Variants in SMARCAD1 observed in about 807,000 individuals in gnomAD.
SMARCAD1 encodes SWI/SNF-related matrix-associated actin-dependent regulator of chromatin subfamily A containing DEAD/H box 1.
Under a neutral mutation model 127.1 loss-of-function variants are expected in SMARCAD1, and 25 were observed. That is an observed-to-expected ratio of 0.20 (90% CI 0.14 to 0.27). The LOEUF (loss-of-function observed/expected upper bound fraction) is 0.27, where lower values mean the gene tolerates loss of function less well. SMARCAD1 is among the 10% of genes least tolerant of loss of function. The probability of loss-of-function intolerance (pLI) is 1.00; values close to 1 mark genes in which losing one functional copy is unlikely to be tolerated. For missense variants in SMARCAD1, 807 were observed against 1,206.0 expected (o/e 0.67, Z 4.90); for synonymous variants, 400 against 396.9 (o/e 1.01, Z -0.09).
chr4:94,209,124 T>C (rs1405995217), intron 2 of SMARCAD1, among the ~76,000 whole-genome samples: 1 of 152,324 alleles, frequency 6.6e-6, no homozygotes, highest in East Asian at 1.9e-4. Flanking sequence ...ATTTTTAACC[T>C]CATCAGCAGA....
At chr4:94,274,620 A>T in intron 12 of SMARCAD1, 118 bp from the exon 13 acceptor site, 1 of 1,006,236 alleles carries the variant, frequency 9.9e-7, no homozygotes, top group Non-Finnish European at 1.6e-6. Flanking sequence ...CTGGGCCAGT[A>T]TTTACTTTTT....
intron 2 of SMARCAD1, among the ~76,000 whole-genome samples, chr4:94,223,734 A>AT (rs944591007): frequency 0.013 from 1,328 of 100,150 alleles, 27 homozygotes; most frequent in African/African-American, 0.039. Context: ...CTCCCGGCTA[A>AT]TTTTTTTTTT....
chr4:94,287,826 T>C (rs772726278), intron 23 of SMARCAD1, among the ~76,000 whole-genome samples: 2 of 152,040 alleles, frequency 1.3e-5, no homozygotes, highest in African/African-American at 2.4e-5. Flanking sequence ...TACATACTTT[T>C]TGAATTTTTT....
At chr4:94,250,892 A>G in intron 8 of SMARCAD1, 59 bp downstream of exon 8, 1 of 1,340,660 alleles carries the variant, frequency 7.5e-7, no homozygotes, top group Non-Finnish European at 1.1e-6. Context: ...ATTTTAGTAT[A>G]TAAGAAAATG....
intron 2 of SMARCAD1, among the ~76,000 whole-genome samples, chr4:94,209,835 G>C (rs1741911181): frequency 6.6e-6 from 1 of 152,152 alleles, no homozygotes; most frequent in Non-Finnish European, 1.5e-5. Context: ...TTGACATCCA[G>C]GTATTTTAAT....
chr4:94,260,572 A>G (rs1476944684), intron 9 of SMARCAD1, among the ~76,000 whole-genome samples: 1 of 152,008 alleles, frequency 6.6e-6, no homozygotes, highest in East Asian at 1.9e-4. Context: ...TGGGGCCTCA[A>G]GTGATCCACC....
chr4:94,240,911 G>C lies in SMARCAD1; in HGVS notation c.610G>C (p.Gly204Arg), dbSNP rs1402579741. ...GTGCTGCTCTGCTTTAAAAGGTGGT[G>C]GGCCCAGGAAAAGAAAATTATCTTC... The part of the protein sequence containing the change: ...ALLMFGDAGG[G>R]PRKRKLSSSS... Residue 204 changes from glycine (G) to arginine (R), a missense_variant, in exon 6 of 24, where the codon GGG becomes CGG. Gly to Arg is a moderately radical substitution (Grantham distance 125). Transcript: ENST00000354268. The C allele has an allele frequency of 1.2e-6, 2 of 1,612,160 alleles. No individual in the cohort carries two copies. The highest frequency in any genetic ancestry group is 2.7e-5 in the African/African-American group (2 of 74,928).
At chr4:94,279,129 G>A in intron 19 of SMARCAD1, 79 bp downstream of exon 19, 2 of 1,574,462 alleles carry the variant, frequency 1.3e-6, no homozygotes, top group Admixed American at 1.7e-5. Context: ...TGAACCCAAT[G>A]GGCATACTAA....
rs138441912 is a variant in SMARCAD1, at chr4:94,237,008, T to C, written c.594T>C (p.Phe198=). 5.6e-5 allele frequency: 91 copies of C among 1,613,268 alleles called. 1 individual carries two copies. In the African/African-American group the frequency reaches 1.0e-3, roughly 18 times the overall value. Residue 198 remains phenylalanine (F), a synonymous_variant, in exon 5 of 24, where the codon TTT becomes TTC. Transcript: ENST00000354268. ...DGAIAAALLM[F]GDAGGGPRKR... ...CAATTGCTGCTGCCTTGCTGATGTT[T>C]GGTGATGCAGGTATGCTTGACTTAA...
At chr4:94,256,788 A>G (rs554085524) in intron 9 of SMARCAD1, among the ~76,000 whole-genome samples, 61 of 152,166 alleles carry the variant, frequency 4.0e-4, no homozygotes, top group African/African-American at 1.3e-3. Context: ...TAAGATTACT[A>G]TATATTCAGG....
chr4:94,263,775 T>G (rs1025807470), intron 9 of SMARCAD1, among the ~76,000 whole-genome samples: 1 of 151,940 alleles, frequency 6.6e-6, no homozygotes, highest in Non-Finnish European at 1.5e-5. Flanking sequence ...TCCTAATAGA[T>G]GGTTTTATTT....
intron 2 of SMARCAD1, among the ~76,000 whole-genome samples, chr4:94,224,386 C>G (rs751236280): frequency 3.3e-5 from 5 of 152,142 alleles, no homozygotes; most frequent in Admixed American, 2.6e-4. Context: ...AAATGTTTCT[C>G]ATTTTAGATT....
chr4:94,289,289 A>T (rs939904144), intron 23 of SMARCAD1, among the ~76,000 whole-genome samples, 184 bp from the exon 24 acceptor site: 2 of 152,188 alleles, frequency 1.3e-5, no homozygotes, highest in Admixed American at 1.3e-4. Flanking sequence ...GAACAAGAAC[A>T]TAGAGGAAAT....
In SMARCAD1 at chr4:94,285,020, T is replaced by C; in HGVS notation, c.2970T>C (p.Ile990=). ...CGATTGAAGAATCCATGCTAAAAAT[T>C]AACCAACAGAAATTGAAACTAGAAC... ...QGTIEESMLK[I]NQQKLKLEQD... is the part of the protein sequence containing the mutation. Residue 990 remains isoleucine (I), a synonymous_variant, in exon 23 of 24, where the codon ATT becomes ATC. Transcript: ENST00000354268. The C allele has an allele frequency of 6.2e-7, 1 of 1,613,492 alleles. No homozygotes were observed. The highest frequency in any genetic ancestry group is 8.5e-7 in the Non-Finnish European group (1 of 1,179,608).
intron 19 of SMARCAD1, 94 bp downstream of exon 19, chr4:94,279,144 T>G: frequency 6.5e-7 from 1 of 1,528,750 alleles, no homozygotes; most frequent in African/African-American, 1.4e-5. Context: ...TACTAAACCT[T>G]TAACTACATA....
At chr4:94,239,185 A>G (rs1296967963) in intron 5 of SMARCAD1, among the ~76,000 whole-genome samples, 3 of 152,202 alleles carry the variant, frequency 2.0e-5, no homozygotes, top group Non-Finnish European at 2.9e-5. Context: ...AGTATATAGA[A>G]TGACAGGTTT....
rs749336230 is a variant in SMARCAD1, at chr4:94,252,866, G to C, written c.1140G>C (p.Val380=). 2.4e-5 allele frequency: 39 copies of C among 1,613,980 alleles called. No individual in the cohort carries two copies. The highest frequency in any genetic ancestry group is 2.8e-5 in the Non-Finnish European group (33 of 1,180,000). ...LDEDYSSGEE[V]MEDGYKGKIL... is the part of the protein sequence containing the mutation. ...AGGACTATAGTAGTGGTGAAGAAGT[G>C]ATGGAGGATGGCTATAAAGGTAAAA... Residue 380 remains valine, a synonymous_variant, in exon 9 of 24, where the codon GTG becomes GTC. Coordinates refer to ENST00000354268, the MANE Select transcript of SMARCAD1 (RefSeq NM_020159.5).
In SMARCAD1 at chr4:94,208,403, T is replaced by A. The variant is rs1311261015; in HGVS notation, c.9T>A (p.Leu3=). 4 of 1,614,112 alleles carry A rather than the reference T, an allele frequency of 2.5e-6. No individual in the cohort carries two copies. Among genetic ancestry groups the A allele is most frequent in the Non-Finnish European group, 1.7e-6 (2 of 1,180,028 alleles). The stretch of plus-strand genomic sequence containing the variant: ...TGGTGCTTTCTACCAATATGAATCT[T>A]TTCAACCTGGACCGTTTTCGCTTTG... MN[L]FNLDRFRFEK... is the part of the protein sequence containing the mutation. Residue 3 remains leucine, a synonymous_variant, in exon 2 of 24, where the codon CTT becomes CTA. Coordinates refer to ENST00000354268, the MANE Select transcript of SMARCAD1 (RefSeq NM_020159.5).
chr4:94,237,115 T>G, intron 5 of SMARCAD1, 97 bp downstream of exon 5: 2 of 998,440 alleles, frequency 2.0e-6, no homozygotes, highest in Non-Finnish European at 3.2e-6. Context: ...TCAAACACCT[T>G]TATGAATTCT....
Sources: gnomAD v4.1 joint callset for allele counts (sites outside exome capture counted in the v4.1 genomes callset) on GRCh38, gnomAD v4.1.1 for gene constraint, MANE v1.5 for transcripts, NCBI Gene and HGNC (gene_info 2026-07-23, HGNC 2026-07-21) for gene names.